Variants in CCDC158 observed in about 807,000 individuals in gnomAD.
The protein encoded by CCDC158 is coiled-coil domain-containing protein 158.
Under a neutral mutation model 138.6 loss-of-function variants are expected in CCDC158, and 116 were observed. The observed-to-expected ratio is 0.84, with a 90% confidence interval of 0.72 to 0.98. The LOEUF (loss-of-function observed/expected upper bound fraction) is 0.98. CCDC158 is among the 50% of genes least tolerant of loss of function. The pLI is 0.00. For missense variants in CCDC158, 1,265 were observed against 1,306.1 expected (o/e 0.97, Z 0.48); for synonymous variants, 436 against 442.4 (o/e 0.99, Z 0.18).
intron 21 of CCDC158, 106 bp downstream of exon 21, chr4:76,331,238 G>T: frequency 1.1e-6 from 1 of 934,988 alleles, no homozygotes; most frequent in Non-Finnish European, 1.7e-6. Flanking sequence ...ATATTCTAAG[G>T]GTCTACTGCA....
chr4:76,410,783 T>G (rs1443645561), intron 2 of CCDC158, among the ~76,000 whole-genome samples: 1 of 152,218 alleles, frequency 6.6e-6, no homozygotes, highest in Admixed American at 6.5e-5. Context: ...CTACCTGAAT[T>G]GCTGTTAGCT....
chr4:76,369,533 T>A lies in CCDC158; in HGVS notation c.1240A>T (p.Ile414Phe). ...TCCAGTTCCCGCCGCAGGTGGTCAATGGTGATGCTGTTGCCTGTGTCTCGG... is the reference window on the plus strand; with the variant it reads ...TCCAGTTCCCGCCGCAGGTGGTCAAAGGTGATGCTGTTGCCTGTGTCTCGG... ...WDRDTGNSITIDHLRRELDNR... is the reference protein window; with the variant it reads ...WDRDTGNSITFDHLRRELDNR... The change falls in exon 11 of 25, where the codon ATT becomes TTT. Residue 414 changes from isoleucine (I) to phenylalanine (F), a missense_variant. By Grantham distance (21) the Ile-to-Phe change is conservative. Transcript: ENST00000682701. 1 of 1,614,180 alleles carries A rather than the reference T, an allele frequency of 6.2e-7. No homozygotes were observed. The highest frequency in any genetic ancestry group is 1.3e-5 in the African/African-American group (1 of 75,048).
chr4:76,384,956 A>C (rs977416601), intron 4 of CCDC158, among the ~76,000 whole-genome samples: 2 of 152,220 alleles, frequency 1.3e-5, no homozygotes, highest in Non-Finnish European at 2.9e-5. Flanking sequence ...TACATTTTTT[A>C]CATGAAAACA....
chr4:76,332,361 T>C, intron 20 of CCDC158, 71 bp downstream of exon 20: 1 of 1,309,104 alleles, frequency 7.6e-7, no homozygotes, highest in Non-Finnish European at 1.1e-6. Flanking sequence ...CAAACAGACT[T>C]CTCAAATTAC....
intron 8 of CCDC158, 44 bp downstream of exon 8, chr4:76,382,566 T>A (rs1339215175): frequency 1.7e-6 from 2 of 1,164,076 alleles, no homozygotes; most frequent in Non-Finnish European, 2.6e-6. Flanking sequence ...GAGAATAATA[T>A]CTTTAAAATG....
At chr4:76,322,390 T>C (rs906572760) in intron 24 of CCDC158, among the ~76,000 whole-genome samples, 1 of 152,222 alleles carries the variant, frequency 6.6e-6, no homozygotes, top group Non-Finnish European at 1.5e-5. Flanking sequence ...ATCTTCAGTT[T>C]CCTCATTTTC....
At chr4:76,387,608 A>C (rs1313536158) in intron 4 of CCDC158, among the ~76,000 whole-genome samples, 1 of 152,028 alleles carries the variant, frequency 6.6e-6, no homozygotes, top group Non-Finnish European at 1.5e-5. Flanking sequence ...GCGGATCATG[A>C]GGTCAGGAGT....
chr4:76,353,364 T>A, intron 15 of CCDC158, 83 bp from the exon 16 acceptor site: 1 of 1,117,372 alleles, frequency 8.9e-7, no homozygotes, highest in Non-Finnish European at 1.3e-6. Flanking sequence ...AATTCTTGTT[T>A]AAAGGACCCT....
At chr4:76,334,206 G>T (rs780566805) in intron 18 of CCDC158, 39 bp from the exon 19 acceptor site, 1 of 1,471,552 alleles carries the variant, frequency 6.8e-7, no homozygotes, top group Admixed American at 2.1e-5. Context: ...TATTTTTTCA[G>T]ATTTCTATGC....
chr4:76,345,922 CATATGGTCAAAA>C, intron 18 of CCDC158, among the ~76,000 whole-genome samples: 1 of 151,938 alleles, frequency 6.6e-6, no homozygotes, highest in South Asian at 2.1e-4. Context: ...AAAAAGAGCC[CATATGGTCAAAA>C]CAATCCTAAA....
intron 4 of CCDC158, among the ~76,000 whole-genome samples, chr4:76,395,731 T>A (rs1727721529): frequency 6.6e-6 from 1 of 152,212 alleles, no homozygotes; most frequent in East Asian, 1.9e-4. Flanking sequence ...GAGCTTTGTA[T>A]GTGGCAGTAA....
At position 76,369,490 on chromosome 4, in the gene CCDC158, A is replaced by ACCT; in HGVS notation, c.1280_1282dup (p.Glu427dup). On this transcript the variant is annotated inframe_insertion, in exon 11 of 25. Transcript: ENST00000682701. Reference sequence around the variant, plus strand: ...CTTGAGCAGGGCTTCCAGGCGCTGCACCTCCATGTTCCGGTTGTCCAGTTC... The same window carrying ACCT: ...CTTGAGCAGGGCTTCCAGGCGCTGCACCTCCTCCATGTTCCGGTTGTCCAGTTC... 6.2e-7 allele frequency: 1 copy of ACCT among 1,614,072 alleles called. No homozygotes were observed.
At chr4:76,415,954 G>A (rs1440293272) in intron 1 of CCDC158, among the ~76,000 whole-genome samples, 2 of 152,204 alleles carry the variant, frequency 1.3e-5, no homozygotes, top group Non-Finnish European at 2.9e-5. Flanking sequence ...GGGCCTGACA[G>A]GCCCGCCTGC....
At chr4:76,354,233 C>CAAAAAAAA (rs749565764) in intron 15 of CCDC158, among the ~76,000 whole-genome samples, 45 of 63,820 alleles carry the variant, frequency 7.1e-4, no homozygotes, top group Admixed American at 1.3e-3. Flanking sequence ...TTCCCAAAGG[C>CAAAAAAAA]AAAAAAAAAA....
chr4:76,387,061 G>C (rs1726864573), intron 4 of CCDC158, among the ~76,000 whole-genome samples: 1 of 152,160 alleles, frequency 6.6e-6, no homozygotes, highest in Non-Finnish European at 1.5e-5. Flanking sequence ...GTAAACTAGG[G>C]TGGCATGTGA....
At chr4:76,378,166 C>T (rs1256505251) in intron 9 of CCDC158, among the ~76,000 whole-genome samples, 2 of 152,068 alleles carry the variant, frequency 1.3e-5, no homozygotes, top group South Asian at 2.1e-4. Context: ...TTTCCATGCG[C>T]GAGCCAAGTA....
intron 1 of CCDC158, among the ~76,000 whole-genome samples, chr4:76,416,489 C>T (rs1487601439): frequency 1.3e-5 from 2 of 152,188 alleles, no homozygotes; most frequent in South Asian, 2.1e-4. Flanking sequence ...GAAAATGTCT[C>T]CAGGCCATGT....
chr4:76,320,551 G>C (rs927851095), intron 24 of CCDC158, among the ~76,000 whole-genome samples: 1 of 152,080 alleles, frequency 6.6e-6, no homozygotes, highest in Non-Finnish European at 1.5e-5. Flanking sequence ...ATACTACAAG[G>C]CTATCATCAC....
chr4:76,389,688 G>C (rs140456143), intron 4 of CCDC158, among the ~76,000 whole-genome samples: 1 of 152,190 alleles, frequency 6.6e-6, no homozygotes, highest in African/African-American at 2.4e-5. Context: ...CAAAGGCCAA[G>C]GATAAAGGAT....
Sources: allele counts gnomAD v4.1 joint callset (sites outside exome capture counted in the v4.1 genomes callset), GRCh38; gene constraint gnomAD v4.1.1; transcripts MANE v1.5; gene names NCBI Gene and HGNC (gene_info 2026-07-23, HGNC 2026-07-21).